The following TTLL11 variants were observed in gnomAD, a reference collection of about 807,000 sequenced individuals.
TTLL11 encodes tubulin tyrosine ligase like 11.
In TTLL11, 42 loss-of-function variants were observed where a neutral mutation model predicts 51.7. That is an observed-to-expected ratio of 0.81 (90% CI 0.64 to 1.05). The LOEUF is 1.05. Ranked by LOEUF, TTLL11 falls within the 50% of genes least tolerant of loss-of-function variation. TTLL11 has a pLI of 0.00. For synonymous variants in TTLL11, 381 were observed against 383.5 expected, an observed-to-expected ratio of 0.99 and a Z score of 0.08; for missense variants, 799 against 940.4, an observed-to-expected ratio of 0.85 and a Z score of 1.97.
Position 122,029,703 on chromosome 9 carries a change from A to G in TTLL11, c.693+2020T>C, listed in dbSNP as rs35938974. Reference sequence around the variant, plus strand: ...AGCTAAGGCTAATTTATCGAAGAAAATTTTTTAAAAATAGATTTAGTGTAG... The same window carrying G: ...AGCTAAGGCTAATTTATCGAAGAAAGTTTTTTAAAAATAGATTTAGTGTAG... On this transcript the variant is annotated intron_variant, in intron 3 of 8. Coordinates refer to ENST00000321582, the MANE Select transcript of TTLL11 (RefSeq NM_001139442.2). 9.9e-3 allele frequency among the ~76,000 whole-genome samples: 1,507 copies of G among 152,234 alleles called. 18 individuals carry two copies. Among genetic ancestry groups the G allele is most frequent in the Non-Finnish European group, 0.017 (1,124 of 68,010 alleles).
intron 1 of TTLL11, among the ~76,000 whole-genome samples, chr9:122,080,402 T>C (rs1366694940): frequency 1.3e-5 from 2 of 152,118 alleles, no homozygotes; most frequent in African/African-American, 4.8e-5. Context: ...ATATGAAATA[T>C]GCTGGGTGCA....
chr9:122,025,204 T>C (rs1024096267), intron 3 of TTLL11, among the ~76,000 whole-genome samples: 1 of 151,614 alleles, frequency 6.6e-6, no homozygotes, highest in African/African-American at 2.4e-5. Flanking sequence ...CATCAAAAAA[T>C]ATATCTGGAT....
chr9:121,921,256 A>G (rs1176189709), intron 6 of TTLL11, among the ~76,000 whole-genome samples: 1 of 152,200 alleles, frequency 6.6e-6, no homozygotes, highest in Non-Finnish European at 1.5e-5. Flanking sequence ...CCTTGACTCG[A>G]CAAACATGAG....
At chr9:121,978,568 G>A (rs961821175) in intron 4 of TTLL11, among the ~76,000 whole-genome samples, 2 of 151,944 alleles carry the variant, frequency 1.3e-5, no homozygotes, top group Non-Finnish European at 2.9e-5. Context: ...TCCCTCTAAC[G>A]GAGCAGGAAT....
At chr9:121,837,517 G>GGGGGTGA (rs1287258246) in intron 8 of TTLL11, among the ~76,000 whole-genome samples, 2 of 152,128 alleles carry the variant, frequency 1.3e-5, no homozygotes, top group African/African-American at 4.8e-5. Context: ...TGGAGCGGGT[G>GGGGGTGA]GGGGTGAGGG....
intron 3 of TTLL11, among the ~76,000 whole-genome samples, chr9:122,028,030 T>C (rs1057356385): frequency 2.0e-5 from 3 of 152,188 alleles, no homozygotes; most frequent in Non-Finnish European, 2.9e-5. Flanking sequence ...GGCGCTAATA[T>C]GTTACTTGAA....
At chr9:121,909,655 G>T (rs1840046824) in intron 6 of TTLL11, among the ~76,000 whole-genome samples, 1 of 152,180 alleles carries the variant, frequency 6.6e-6, no homozygotes, top group Non-Finnish European at 1.5e-5. Context: ...GAGACACAAA[G>T]CAGAACAAGC....
At chr9:121,910,695 T>C (rs1437330670) in intron 6 of TTLL11, among the ~76,000 whole-genome samples, 1 of 152,242 alleles carries the variant, frequency 6.6e-6, no homozygotes, top group Non-Finnish European at 1.5e-5. Flanking sequence ...TTTTAGGTAA[T>C]ACTTGCTTTT....
intron 7 of TTLL11, among the ~76,000 whole-genome samples, chr9:121,867,038 C>G (rs1161180076): frequency 6.6e-6 from 1 of 152,110 alleles, no homozygotes; most frequent in Non-Finnish European, 1.5e-5. Context: ...TATTTTTGAC[C>G]TCGCCTGGTT....
chr9:121,841,364 C>A (rs1354493493), intron 8 of TTLL11, among the ~76,000 whole-genome samples: 2 of 152,148 alleles, frequency 1.3e-5, no homozygotes, highest in South Asian at 2.1e-4. Flanking sequence ...AGAACAGAAC[C>A]GTGCTCCCCA....
chr9:121,827,786 C>G (rs1295710855), intron 8 of TTLL11, among the ~76,000 whole-genome samples: 7 of 152,056 alleles, frequency 4.6e-5, no homozygotes, highest in Non-Finnish European at 4.4e-5. Flanking sequence ...GAGAACGTAA[C>G]CTTTTGAAGG....
rs893992220 is a variant in TTLL11 at position 122,044,139 on chromosome 9, G to C, written c.463-4771C>G. On this transcript the variant is annotated intron_variant, in intron 1 of 8. Transcript: ENST00000321582. The stretch of plus-strand genomic sequence containing the variant: ...TTTTTTGTCCTTGCGATAGTTTGCT[G>C]AGAATGATGGTTTCCAGCTTCATCC... Among the ~76,000 whole-genome samples the C allele has an allele frequency of 5.1e-4, 77 of 152,236 alleles. 1 individual carries two copies. Among genetic ancestry groups the C allele is most frequent in the African/African-American group, 1.8e-3 (75 of 41,536 alleles).
chr9:121,980,690 G>A (rs991664850), intron 4 of TTLL11, among the ~76,000 whole-genome samples: 1 of 152,208 alleles, frequency 6.6e-6, no homozygotes, highest in Admixed American at 6.5e-5. Flanking sequence ...AAATCATGCT[G>A]CTATAAAGAC....
chr9:122,053,945 T>C, intron 1 of TTLL11, among the ~76,000 whole-genome samples: 1 of 152,152 alleles, frequency 6.6e-6, no homozygotes, highest in Non-Finnish European at 1.5e-5. Flanking sequence ...ACACAATAAT[T>C]ACTCATCCTC....
In TTLL11 at chr9:122,092,759, G is replaced by C. The variant is rs1846297494; in HGVS notation, c.390C>G (p.Thr130=). 1.9e-6 allele frequency: 3 copies of C among 1,538,498 alleles called. No individual in the cohort carries two copies. The highest frequency in any genetic ancestry group is 1.4e-5 in the African/African-American group (1 of 73,252). Residue 130 remains threonine, a synonymous_variant, in exon 1 of 9, where the codon ACC becomes ACG. Coordinates refer to ENST00000321582, the MANE Select transcript of TTLL11 (RefSeq NM_001139442.2). ...AGGTCCTGGCCTTGGAGCTGTCCAC[G>C]GTGACCGGCCGCTGGGAGCCGTTCT... ...SGENGSQRPV[T]VDSSKARTSL...
chr9:122,078,759 G>C (rs1167815426), intron 1 of TTLL11, among the ~76,000 whole-genome samples: 1 of 152,104 alleles, frequency 6.6e-6, no homozygotes, highest in African/African-American at 2.4e-5. Flanking sequence ...GCTACACATT[G>C]AGTTGTTTCA....
chr9:122,083,251 T>C (rs1351125991), intron 1 of TTLL11, among the ~76,000 whole-genome samples: 2 of 151,980 alleles, frequency 1.3e-5, no homozygotes, highest in Non-Finnish European at 2.9e-5. Context: ...AAGTGATGCA[T>C]CACTTCTGGG....
intron 6 of TTLL11, among the ~76,000 whole-genome samples, chr9:121,954,519 C>G (rs1162092034): frequency 6.6e-6 from 1 of 152,218 alleles, no homozygotes; most frequent in Non-Finnish European, 1.5e-5. Flanking sequence ...AAACACAATC[C>G]TATTTTTCTT....
At chr9:121,885,048 A>C (rs1040292204) in intron 6 of TTLL11, 9 of 152,094 alleles carry the variant, frequency 5.9e-5, no homozygotes, top group African/African-American at 1.9e-4. Context: ...AAAACACTTG[A>C]ATTTGCCCAG....
Sources: allele counts gnomAD v4.1 joint callset (sites outside exome capture counted in the v4.1 genomes callset), GRCh38; gene constraint gnomAD v4.1.1; transcripts MANE v1.5; gene names NCBI Gene and HGNC (gene_info 2026-07-23, HGNC 2026-07-21).